Variants in HAPLN2 observed in about 807,000 individuals in gnomAD.
The protein encoded by HAPLN2 is brain link protein-1.
Under a neutral mutation model 29.3 loss-of-function variants are expected in HAPLN2, and 27 were observed. That is an observed-to-expected ratio of 0.92 (90% CI 0.68 to 1.27). The LOEUF (loss-of-function observed/expected upper bound fraction) is 1.27, where lower values mean the gene tolerates loss of function less well. Among genes scored for constraint, HAPLN2 ranks in the 50% most tolerant of loss-of-function variants. The probability of loss-of-function intolerance (pLI) is 0.00; values close to 1 mark genes in which losing one functional copy is unlikely to be tolerated. For missense variants in HAPLN2, 454 were observed against 484.3 expected (o/e 0.94, Z 0.59); for synonymous variants, 208 against 211.7 (o/e 0.98, Z 0.15).
At position 156,624,018 on chromosome 1, in the gene HAPLN2, G is replaced by T. The variant is rs1379769496; in HGVS notation, c.297G>T (p.Gly99=). ...LHARGYGPLG[G]RARMRRGHRL... ...CCCGGGGGTATGGGCCCCTGGGAGGGCGCGCCAGGATGCGGAGGGGGCATC... is the reference window on the plus strand; with the variant it reads ...CCCGGGGGTATGGGCCCCTGGGAGGTCGCGCCAGGATGCGGAGGGGGCATC... The change falls in exon 4 of 7, where the codon GGG becomes GGT. Residue 99 remains glycine (G), a synonymous_variant. Coordinates refer to ENST00000255039, the MANE Select transcript of HAPLN2 (RefSeq NM_021817.3). 3.7e-6 allele frequency: 6 copies of T among 1,611,436 alleles called. No individual in the cohort carries two copies. The African/African-American group carries it at 5.3e-5, about 14-fold the overall frequency.
upstream of HAPLN2, chr1:156,619,325 C>G (rs1227279418): frequency 6.6e-6 from 1 of 151,624 alleles, no homozygotes; most frequent in African/African-American, 2.4e-5. Flanking sequence ...AGAAAGGGGC[C>G]CTGTTATTCA....
At chr1:156,610,792 T>C in the HAPLN2 span, among the ~76,000 whole-genome samples, 1 of 152,148 alleles carries the variant, frequency 6.6e-6, no homozygotes, top group Admixed American at 6.6e-5. Flanking sequence ...AGAAGGCTAA[T>C]AATGGTTCAG....
At chr1:156,617,452 A>AT (rs1243339045), upstream of HAPLN2, among the ~76,000 whole-genome samples, 5 of 148,460 alleles carry the variant, frequency 3.4e-5, no homozygotes, top group African/African-American at 1.2e-4. Flanking sequence ...GGTTCAAGCG[A>AT]TTTTCCCACC....
At chr1:156,610,581 A>C in the HAPLN2 span, among the ~76,000 whole-genome samples, 1 of 151,978 alleles carries the variant, frequency 6.6e-6, no homozygotes, top group African/African-American at 2.4e-5. Flanking sequence ...CGGAGGTTGC[A>C]GTGAGCCGAG....
chr1:156,606,702 C>T, the HAPLN2 span, among the ~76,000 whole-genome samples: 1 of 152,060 alleles, frequency 6.6e-6, no homozygotes, highest in East Asian at 1.9e-4. Context: ...AGACTGGCCT[C>T]CAACTCCTGG....
chr1:156,618,576 G>A (rs1376434046), upstream of HAPLN2, among the ~76,000 whole-genome samples: 7 of 151,766 alleles, frequency 4.6e-5, no homozygotes, highest in Admixed American at 2.6e-4. Flanking sequence ...TCAGGAGATC[G>A]AGACCATCCT....
chr1:156,613,933 G>A, the HAPLN2 span, among the ~76,000 whole-genome samples: 29 of 115,652 alleles, frequency 2.5e-4, no homozygotes, highest in South Asian at 8.1e-4. Context: ...AAAAAAAAAA[G>A]AAGAAAAGAA....
Position 156,620,158 on chromosome 1 carries a change from G to T in HAPLN2, c.-25G>T, listed in dbSNP as rs1264507602. On this transcript the variant is annotated splice_region_variant and 5_prime_UTR_variant, in exon 2 of 7. Transcript: ENST00000255039. ...TCTGTGAAGAGACCAGCTTCTAACAGGTAGGCAATGGGCTGCTGACTACTC... is the reference window on the plus strand; with the variant it reads ...TCTGTGAAGAGACCAGCTTCTAACATGTAGGCAATGGGCTGCTGACTACTC... 1 of 152,252 alleles carries T rather than the reference G, an allele frequency of 6.6e-6. No homozygotes were observed. Among genetic ancestry groups the T allele is most frequent in the African/African-American group, 2.4e-5 (1 of 41,448 alleles). 9.4% of individuals were successfully genotyped at this position (152,252 alleles called of 1,614,324 possible). A position where few individuals can be genotyped will look rare whatever the true frequency, so the allele number is the denominator to read the frequency against.
the HAPLN2 span, among the ~76,000 whole-genome samples, chr1:156,602,182 T>G: frequency 6.6e-6 from 1 of 152,084 alleles, no homozygotes; most frequent in African/African-American, 2.4e-5. Context: ...TTAAGTGATA[T>G]GCACACCTCG....
At chr1:156,617,709 G>T (rs1445414376), upstream of HAPLN2, among the ~76,000 whole-genome samples, 1 of 146,778 alleles carries the variant, frequency 6.8e-6, no homozygotes, top group African/African-American at 2.5e-5. Flanking sequence ...ATAATGCAAA[G>T]CTACTTCCAT....
Position 156,624,747 on chromosome 1 carries a change from C to G in HAPLN2, c.703C>G (p.Arg235Gly). The G allele has an allele frequency of 1.3e-6, 2 of 1,546,064 alleles. No individual in the cohort carries two copies. Among genetic ancestry groups the G allele is most frequent in the Non-Finnish European group, 1.7e-6 (2 of 1,155,066 alleles). The change falls in exon 6 of 7, where the codon CGC becomes GGC. Residue 235 changes from arginine (R) to glycine (G), a missense_variant. Physicochemically the swap from Arg to Gly is moderately radical, Grantham distance 125. This residue lies in a region of HAPLN2 where 235 missense variants were observed against 236.9 expected (regional missense o/e 0.99). Coordinates refer to ENST00000255039, the MANE Select transcript of HAPLN2 (RefSeq NM_021817.3). ...SYGPRDRMRDRYDAFCFTSAL... is the reference protein window; with the variant it reads ...SYGPRDRMRDGYDAFCFTSAL... ...CGGACCCCGCGACCGGATGCGCGAC[C>G]GCTACGACGCCTTCTGCTTCACCTC...
the HAPLN2 span, among the ~76,000 whole-genome samples, chr1:156,607,798 T>C: frequency 6.6e-6 from 1 of 152,198 alleles, no homozygotes; most frequent in South Asian, 2.1e-4. Flanking sequence ...TTCCCAGTTA[T>C]TTTTTCTGTC....
the HAPLN2 span, among the ~76,000 whole-genome samples, chr1:156,609,828 T>A: frequency 6.6e-6 from 1 of 152,058 alleles, no homozygotes; most frequent in African/African-American, 2.4e-5. Context: ...ACTACCTGGG[T>A]GACAAAATAA....
Position 156,623,801 on chromosome 1 carries a change from G to A in HAPLN2, c.86-6G>A. The A allele has an allele frequency of 2.0e-6, 3 of 1,502,134 alleles. No homozygotes were observed. The highest frequency in any genetic ancestry group is 1.4e-5 in the South Asian group (1 of 73,648). 93.1% of individuals were successfully genotyped at this position (1,502,134 alleles called of 1,614,324 possible). The stretch of plus-strand genomic sequence containing the variant: ...GGTTCCTGCCACTGTGGCCCCCTCT[G>A]CCCAGCATCCCACCCGGGCCCCCAC... On this transcript the variant is annotated splice_polypyrimidine_tract_variant and splice_region_variant and intron_variant, in intron 3 of 6. Coordinates refer to ENST00000255039, the MANE Select transcript of HAPLN2 (RefSeq NM_021817.3).
chr1:156,624,976 C>CA, intron 6 of HAPLN2, 125 bp from the exon 7 acceptor site: 1 of 1,267,244 alleles, frequency 7.9e-7, no homozygotes, highest in Non-Finnish European at 1.1e-6. Context: ...CTCGATCCCC[C>CA]AACTCCTCTT....
chr1:156,612,356 G>A, the HAPLN2 span, among the ~76,000 whole-genome samples: 2 of 152,124 alleles, frequency 1.3e-5, no homozygotes, highest in African/African-American at 2.4e-5. Flanking sequence ...GTATATCCAG[G>A]TGAAGCTGTT....
At chr1:156,623,406 C>G in intron 2 of HAPLN2, 61 bp from the exon 3 acceptor site, 3 of 1,416,602 alleles carry the variant, frequency 2.1e-6, no homozygotes, top group Admixed American at 3.7e-5. Flanking sequence ...CACCCACAAC[C>G]CTGCTCTTCC....
At chr1:156,617,516 T>G (rs1294540942), upstream of HAPLN2, among the ~76,000 whole-genome samples, 1 of 151,872 alleles carries the variant, frequency 6.6e-6, no homozygotes, top group African/African-American at 2.4e-5. Context: ...GCCTGGCTAA[T>G]TTTTGTATTT....
At chr1:156,615,599 C>T (rs1162373064), upstream of HAPLN2, among the ~76,000 whole-genome samples, 1 of 140,224 alleles carries the variant, frequency 7.1e-6, no homozygotes, top group Non-Finnish European at 1.5e-5. Context: ...CAGACAGAAT[C>T]TTGGTCTATC....
Sources: gnomAD v4.1 joint callset for allele counts (sites outside exome capture counted in the v4.1 genomes callset) on GRCh38, gnomAD v4.1.1 for gene constraint, gnomAD v4.1.1 regional missense constraint, MANE v1.5 for transcripts, NCBI Gene and HGNC (gene_info 2026-07-23, HGNC 2026-07-21) for gene names.